Variants in FSTL5 observed in about 807,000 individuals in gnomAD.
FSTL5 encodes the protein follistatin like 5.
FSTL5 carries 62 observed loss-of-function variants against 89.1 expected under a neutral mutation model. The observed-to-expected ratio is 0.70, with a 90% CI of 0.57 to 0.86. The LOEUF is 0.86. Among genes scored for constraint, FSTL5 ranks in the 40% least tolerant of loss-of-function variants. The pLI, the probability that FSTL5 is intolerant of heterozygous loss-of-function variation, is 0.00. For missense variants in FSTL5, 1,057 were observed against 1,001.6 expected (o/e 1.06, Z -0.75); for synonymous variants, 383 against 346.2 (o/e 1.11, Z -1.18).
chr4:161,953,241 A>G (rs359517), intron 3 of FSTL5, among the ~76,000 whole-genome samples: 37,237 of 151,546 alleles, frequency 0.25, 5,346 homozygotes, highest in African/African-American at 0.4. Context: ...AATTCAAGTC[A>G]CATACACAAC....
chr4:161,978,731 T>A (rs1735734386), intron 3 of FSTL5, among the ~76,000 whole-genome samples: 1 of 152,126 alleles, frequency 6.6e-6, no homozygotes, highest in South Asian at 2.1e-4. Flanking sequence ...AGTATGTGTT[T>A]TGGAGATTAT....
chr4:161,737,418 T>C (rs1302719960), intron 6 of FSTL5, among the ~76,000 whole-genome samples: 1 of 151,928 alleles, frequency 6.6e-6, no homozygotes, highest in Admixed American at 6.6e-5. Flanking sequence ...GATCACGTAA[T>C]GTGGGGAAGA....
intron 8 of FSTL5, among the ~76,000 whole-genome samples, chr4:161,580,074 A>C (rs1489399359): frequency 6.6e-6 from 1 of 152,150 alleles, no homozygotes; most frequent in African/African-American, 2.4e-5. Context: ...AATAATTAGA[A>C]CATTTATATA....
At chr4:161,455,164 G>T (rs1420055515) in intron 14 of FSTL5, 36 bp from the exon 15 acceptor site, 6 of 1,529,404 alleles carry the variant, frequency 3.9e-6, no homozygotes, top group Non-Finnish European at 5.3e-6. Flanking sequence ...CCTCAACAAT[G>T]CAGTCACTTC....
intron 7 of FSTL5, among the ~76,000 whole-genome samples, chr4:161,608,414 T>C (rs1325741091): frequency 4.6e-5 from 7 of 152,138 alleles, no homozygotes; most frequent in Admixed American, 3.9e-4. Context: ...AGTTCTTTTA[T>C]AAGTGAAAGT....
intron 3 of FSTL5, among the ~76,000 whole-genome samples, chr4:162,026,586 G>A (rs1299578246): frequency 6.6e-6 from 1 of 151,924 alleles, no homozygotes; most frequent in East Asian, 1.9e-4. Flanking sequence ...GGGATTATAG[G>A]CGTGAGCTTA....
In FSTL5 at chr4:161,750,608, T is replaced by C. The variant is rs536680030; in HGVS notation, c.727+8803A>G. ...GCTTCTCTAAGTATAAAAGTGATAG[T>C]TTGGGCATGATAATACATAGAGTGT... is the stretch of plus-strand genomic sequence containing the variant. On this transcript the variant is annotated intron_variant, in intron 6 of 15. Transcript: ENST00000306100. Among the ~76,000 whole-genome samples, 8 of 152,212 alleles carry C rather than the reference T, an allele frequency of 5.3e-5. No individual in the cohort carries two copies. The East Asian group carries it at 1.5e-3, about 29-fold the overall frequency.
chr4:161,449,915 C>T (rs934655987), intron 15 of FSTL5, among the ~76,000 whole-genome samples: 7 of 152,070 alleles, frequency 4.6e-5, no homozygotes, highest in African/African-American at 7.2e-5. Flanking sequence ...ATTCGTGCTA[C>T]GTCAAAAGCT....
intron 12 of FSTL5, among the ~76,000 whole-genome samples, chr4:161,485,656 G>A (rs1208123727): frequency 1.3e-5 from 2 of 152,118 alleles, no homozygotes; most frequent in African/African-American, 4.8e-5. Context: ...AAAAAACTGA[G>A]TAGTTCTATA....
intron 15 of FSTL5, among the ~76,000 whole-genome samples, chr4:161,429,872 T>G (rs1029429663): frequency 6.6e-6 from 1 of 151,938 alleles, no homozygotes; most frequent in African/African-American, 2.4e-5. Flanking sequence ...GGGAAAAAAA[T>G]GTTTTAATCC....
At chr4:162,119,542 G>A (rs1236216602) in intron 1 of FSTL5, among the ~76,000 whole-genome samples, 5 of 151,936 alleles carry the variant, frequency 3.3e-5, no homozygotes, top group African/African-American at 1.2e-4. Flanking sequence ...CTTTAAATTG[G>A]GACAAAAATT....
chr4:161,884,805 C>T (rs940148605), intron 4 of FSTL5, among the ~76,000 whole-genome samples: 2 of 151,954 alleles, frequency 1.3e-5, no homozygotes, highest in Non-Finnish European at 2.9e-5. Context: ...GCAGACTATC[C>T]GGCTTTTTAA....
At chr4:161,808,792 T>A (rs187253821) in intron 4 of FSTL5, among the ~76,000 whole-genome samples, 12 of 152,084 alleles carry the variant, frequency 7.9e-5, no homozygotes, top group Admixed American at 6.5e-4. Context: ...GCCTTACAAC[T>A]CAAAAACAAA....
chr4:161,647,420 G>A (rs1471732582), intron 7 of FSTL5, among the ~76,000 whole-genome samples: 1 of 151,992 alleles, frequency 6.6e-6, no homozygotes, highest in Admixed American at 6.6e-5. Context: ...ATAAGGAAAT[G>A]AAATACTTTA....
chr4:161,953,397 A>G (rs1425450776), intron 3 of FSTL5, among the ~76,000 whole-genome samples: 1 of 151,666 alleles, frequency 6.6e-6, no homozygotes, highest in Non-Finnish European at 1.5e-5. Flanking sequence ...ATTAAGTTGT[A>G]ATGAGTTATG....
At chr4:161,534,989 T>C (rs1429173989) in intron 10 of FSTL5, among the ~76,000 whole-genome samples, 1 of 152,084 alleles carries the variant, frequency 6.6e-6, no homozygotes, top group Non-Finnish European at 1.5e-5. Flanking sequence ...ATCTATTCAG[T>C]AAATCATCTT....
At position 162,153,795 on chromosome 4, in the gene FSTL5, ATG is replaced by A. The variant is rs540067249; in HGVS notation, c.-17+9818_-17+9819del. On this transcript the variant is annotated intron_variant, in intron 1 of 15. Transcript: ENST00000306100. Reference sequence around the variant, plus strand: ...ATTATATGTATACATATATATGTATATGTATATATATATATTTATATTTATTT... The same window carrying A: ...ATTATATGTATACATATATATGTATATATATATATATATTTATATTTATTT... 6.8e-5 allele frequency among the ~76,000 whole-genome samples: 8 copies of A among 116,796 alleles called. No homozygotes were observed. In the East Asian group the frequency reaches 1.9e-3, roughly 28 times the overall value. The allele number at this position is 116,796 out of a possible 152,430, so 76.6% of individuals were successfully genotyped here.
At chr4:161,670,152 C>G (rs186699777) in intron 6 of FSTL5, among the ~76,000 whole-genome samples, 1 of 152,060 alleles carries the variant, frequency 6.6e-6, no homozygotes, top group African/African-American at 2.4e-5. Context: ...CACTTACTAA[C>G]GAAATTCAGT....
At chr4:161,667,619 G>A (rs1267506669) in intron 6 of FSTL5, among the ~76,000 whole-genome samples, 3 of 152,056 alleles carry the variant, frequency 2.0e-5, no homozygotes, top group Admixed American at 2.0e-4. Context: ...AGTATTAACT[G>A]AATACATATC....
Sources: allele counts gnomAD v4.1 joint callset (sites outside exome capture counted in the v4.1 genomes callset), GRCh38; gene constraint gnomAD v4.1.1; transcripts MANE v1.5; gene names NCBI Gene and HGNC (gene_info 2026-07-23, HGNC 2026-07-21).